RCOR2: variants seen among roughly 807,000 people sequenced by gnomAD.
RCOR2 encodes the protein REST corepressor 2.
Under a neutral mutation model 58.9 loss-of-function variants are expected in RCOR2, and 19 were observed. That is an observed-to-expected ratio of 0.32 (90% CI 0.23 to 0.47). RCOR2 has a LOEUF of 0.47. Ranked by LOEUF, RCOR2 falls within the 20% of genes least tolerant of loss-of-function variation. RCOR2 has a pLI of 1.00. For missense variants in RCOR2, 590 were observed against 707.9 expected (o/e 0.83, Z 1.89); for synonymous variants, 286 against 278.7 (o/e 1.03, Z -0.26).
At position 63,916,314 on chromosome 11, in the gene RCOR2, A is replaced by C; in HGVS notation, c.127+16T>G. On this transcript the variant is annotated intron_variant, in intron 1 of 11. Transcript: ENST00000301459. ...CCCAGGCCGGCGCGCCTTTAACCCT[A>C]GGCCACCGGGCTCACCGTGCGAGTG... 6.3e-7 allele frequency: 1 copy of C among 1,595,342 alleles called. No individual in the cohort carries two copies. The highest frequency in any genetic ancestry group is 1.1e-5 in the South Asian group (1 of 88,382).
In RCOR2 at chr11:63,912,605, G is replaced by GC. The variant is rs572930258; in HGVS notation, c.1027+70dup. The stretch of plus-strand genomic sequence containing the variant: ...GTTACTTCCCTGACCCTTCCCCTCT[G>GC]CCCCCCCACTCCTTGGAGGGTGGGG... On this transcript the variant is annotated intron_variant, in intron 10 of 11. Transcript: ENST00000301459. 499 of 1,577,646 alleles carry GC rather than the reference G, an allele frequency of 3.2e-4. 2 individuals carry two copies. In the East Asian group the frequency reaches 9.1e-3, roughly 29 times the overall value.
upstream of RCOR2, among the ~76,000 whole-genome samples, chr11:63,920,288 A>C (rs61884663): frequency 6.6e-5 from 10 of 152,212 alleles, no homozygotes; most frequent in Non-Finnish European, 1.5e-4. Context: ...CCTCAAGGTG[A>C]GGCCGAGGGG....
the RCOR2 span, among the ~76,000 whole-genome samples, chr11:63,927,398 T>G: frequency 1.3e-5 from 2 of 152,074 alleles, no homozygotes; most frequent in East Asian, 3.9e-4. Context: ...GCCTCCTGGG[T>G]AGCTGGGACT....
Position 63,912,879 on chromosome 11 carries a change from G to A in RCOR2, c.960C>T (p.Arg320=), listed in dbSNP as rs781101247. The change falls in exon 9 of 12, where the codon CGC becomes CGT. Residue 320 remains arginine (R), a synonymous_variant. Transcript: ENST00000301459. The stretch of plus-strand genomic sequence containing the variant: ...TAAAGAGCAGCCATACCTCCGGGGG[G>A]CGTAGTGGATCAATACCGCCCTCCA... ...QALEGGIDPL[R]PPEANTKFNS... 5 of 1,613,594 alleles carry A rather than the reference G, an allele frequency of 3.1e-6. No individual in the cohort carries two copies. Among genetic ancestry groups the A allele is most frequent in the African/African-American group, 1.3e-5 (1 of 74,906 alleles).
At chr11:63,918,472 C>T (rs895808661), upstream of RCOR2, among the ~76,000 whole-genome samples, 3 of 152,184 alleles carry the variant, frequency 2.0e-5, no homozygotes, top group Non-Finnish European at 2.9e-5. Flanking sequence ...CCACGTTGCC[C>T]GCCACACCTC....
chr11:63,912,278 G>A, intron 11 of RCOR2, 27 bp downstream of exon 11: 1 of 1,597,034 alleles, frequency 6.3e-7, no homozygotes, highest in Non-Finnish European at 8.6e-7. Flanking sequence ...TCTCCTCTCT[G>A]AGGGGTTTCT....
At chr11:63,915,520 C>A in intron 2 of RCOR2, 35 bp downstream of exon 2, 1 of 1,547,154 alleles carries the variant, frequency 6.5e-7, no homozygotes, top group Non-Finnish European at 8.7e-7. Context: ...GGGCCTCCAC[C>A]CCCACCCCAC....
upstream of RCOR2, among the ~76,000 whole-genome samples, chr11:63,917,173 T>G (rs1318514940): frequency 6.8e-6 from 1 of 146,680 alleles, no homozygotes; most frequent in Non-Finnish European, 1.5e-5. Flanking sequence ...ATGAAGCTGC[T>G]GGCAGGGAAG....
In RCOR2 at chr11:63,916,795, G is replaced by A. The variant is rs1941864629; in HGVS notation, c.-339C>T. Reference sequence around the variant, plus strand: ...AGTCGGGGCCCCCTGTCCTCGGGGCGCCCTGGAACCCCACCGCCCACCTGC... The same window carrying A: ...AGTCGGGGCCCCCTGTCCTCGGGGCACCCTGGAACCCCACCGCCCACCTGC... On this transcript the variant is annotated 5_prime_UTR_variant, in exon 1 of 12. Coordinates refer to ENST00000301459, the MANE Select transcript of RCOR2 (RefSeq NM_173587.4). 1.2e-5 allele frequency: 3 copies of A among 247,988 alleles called. No homozygotes were observed. The highest frequency in any genetic ancestry group is 2.3e-5 in the African/African-American group (1 of 44,198). 15.4% of individuals were successfully genotyped at this position (247,988 alleles called of 1,614,324 possible).
At chr11:63,919,589 G>T (rs772209736), upstream of RCOR2, among the ~76,000 whole-genome samples, 1 of 152,200 alleles carries the variant, frequency 6.6e-6, no homozygotes, top group Non-Finnish European at 1.5e-5. Flanking sequence ...GAACATGGGG[G>T]TGTGGGAGGG....
chr11:63,912,655 T>G (rs774572085), intron 10 of RCOR2, 21 bp downstream of exon 10: 2 of 1,613,464 alleles, frequency 1.2e-6, no homozygotes, highest in Admixed American at 3.3e-5. Context: ...GGTCCTCTCT[T>G]CTCACCACAG....
chr11:63,924,571 T>C, the RCOR2 span, among the ~76,000 whole-genome samples: 1 of 152,174 alleles, frequency 6.6e-6, no homozygotes, highest in Non-Finnish European at 1.5e-5. Context: ...CTTCCTGATC[T>C]ATCAGTCTCC....
In RCOR2 at chr11:63,916,759, G is replaced by C. The variant is rs374905473; in HGVS notation, c.-303C>G. The C allele has an allele frequency of 5.2e-5, 17 of 326,650 alleles. No homozygotes were observed. Among genetic ancestry groups the C allele is most frequent in the East Asian group, 4.8e-4 (9 of 18,612 alleles). The allele number at this position is 326,650 out of a possible 1,614,324, so 20.2% of individuals were successfully genotyped here. Reference sequence around the variant, plus strand: ...TACTATGTACGCCCCTCAGGGTTGGGGTTCCCCTGAAGTCGGGGCCCCCTG... The same window carrying C: ...TACTATGTACGCCCCTCAGGGTTGGCGTTCCCCTGAAGTCGGGGCCCCCTG... On this transcript the variant is annotated 5_prime_UTR_variant, in exon 1 of 12. Transcript: ENST00000301459.
chr11:63,926,701 G>T, the RCOR2 span, among the ~76,000 whole-genome samples: 1 of 151,462 alleles, frequency 6.6e-6, no homozygotes. Context: ...GGCCAGGCTG[G>T]TCTTGAACTC....
upstream of RCOR2, among the ~76,000 whole-genome samples, chr11:63,920,664 C>T (rs79819919): frequency 0.042 from 6,314 of 151,974 alleles, 439 homozygotes; most frequent in African/African-American, 0.14. Flanking sequence ...GGGGGCCTGG[C>T]GGGAGGTGAC....
At chr11:63,919,942 C>T (rs1405349939), upstream of RCOR2, among the ~76,000 whole-genome samples, 2 of 152,252 alleles carry the variant, frequency 1.3e-5, no homozygotes, top group Non-Finnish European at 2.9e-5. Context: ...CTACACAGGC[C>T]TCCGCCAGAA....
chr11:63,920,476 G>A (rs918145973), upstream of RCOR2, among the ~76,000 whole-genome samples: 2 of 152,204 alleles, frequency 1.3e-5, no homozygotes, highest in Non-Finnish European at 2.9e-5. Flanking sequence ...GAGCCTGGCC[G>A]CTGTGGTGTG....
chr11:63,919,980 G>T (rs1044773982), upstream of RCOR2, among the ~76,000 whole-genome samples: 1 of 152,234 alleles, frequency 6.6e-6, no homozygotes. Flanking sequence ...GGCCAGAAAA[G>T]GCTCCTCACC....
chr11:63,925,121 G>T, the RCOR2 span, among the ~76,000 whole-genome samples: 1 of 152,066 alleles, frequency 6.6e-6, no homozygotes, highest in Non-Finnish European at 1.5e-5. Context: ...CCAAACTGCT[G>T]GGATTACAGG....
Sources: gnomAD v4.1 joint callset for allele counts (sites outside exome capture counted in the v4.1 genomes callset) on GRCh38, gnomAD v4.1.1 for gene constraint, MANE v1.5 for transcripts, NCBI Gene and HGNC (gene_info 2026-07-23, HGNC 2026-07-21) for gene names.